The following MSRB2 variants were observed in gnomAD, a reference collection of about 807,000 sequenced individuals.
The protein encoded by MSRB2 is methionine-R-sulfoxide reductase B2, mitochondrial.
MSRB2 carries 17 observed loss-of-function variants against 19.0 expected under a neutral mutation model. The ratio of observed to expected loss-of-function variants is 0.89; its 90% CI spans 0.61 to 1.34. The LOEUF is 1.34. Among genes scored for constraint, MSRB2 ranks in the 40% most tolerant of loss-of-function variants. The probability of loss-of-function intolerance (pLI) is 0.00; values close to 1 mark genes in which losing one functional copy is unlikely to be tolerated. For synonymous variants in MSRB2, 107 were observed against 99.7 expected (o/e 1.07, Z -0.44); for missense variants, 208 against 237.6 (o/e 0.88, Z 0.82).
intron 2 of MSRB2, among the ~76,000 whole-genome samples, chr10:23,105,153 G>T (rs1839971711): frequency 6.6e-6 from 1 of 151,426 alleles, no homozygotes; most frequent in Non-Finnish European, 1.5e-5. Context: ...ACCCTCAGTG[G>T]TTCTTCATTA....
chr10:23,096,594 C>T (rs111806487), intron 1 of MSRB2, among the ~76,000 whole-genome samples: 2,007 of 152,190 alleles, frequency 0.013, 32 homozygotes, highest in Non-Finnish European at 0.021. Context: ...TCAGAGATAC[C>T]CAACTGATGA....
At chr10:23,116,230 T>C (rs1380645815) in intron 3 of MSRB2, among the ~76,000 whole-genome samples, 1 of 152,212 alleles carries the variant, frequency 6.6e-6, no homozygotes, top group Non-Finnish European at 1.5e-5. Context: ...ATACAATCTA[T>C]AAATTTAGAA....
At chr10:23,119,238 G>T in intron 3 of MSRB2, 66 bp from the exon 4 acceptor site, 1 of 1,578,762 alleles carries the variant, frequency 6.3e-7, no homozygotes. Context: ...CAACACATCG[G>T]GGCACCTCTT....
intron 1 of MSRB2, among the ~76,000 whole-genome samples, chr10:23,100,330 C>A (rs1839914079): frequency 6.6e-6 from 1 of 152,166 alleles, no homozygotes; most frequent in Admixed American, 6.5e-5. Flanking sequence ...GTGCCTCTGG[C>A]TAAAGCATTC....
At chr10:23,103,557 A>C (rs1409163395) in intron 1 of MSRB2, among the ~76,000 whole-genome samples, 1 of 152,168 alleles carries the variant, frequency 6.6e-6, no homozygotes, top group Non-Finnish European at 1.5e-5. Context: ...ATGGACAAAA[A>C]CCATGAAGCA....
chr10:23,104,288 A>G, intron 2 of MSRB2, 44 bp downstream of exon 2: 3 of 1,559,034 alleles, frequency 1.9e-6, no homozygotes, highest in Admixed American at 1.7e-5. Flanking sequence ...ATGTGTTGGC[A>G]GTGAGGGGCC....
Position 23,095,583 on chromosome 10 carries a change from G to A in MSRB2, c.-26G>A. The A allele has an allele frequency of 6.8e-7, 1 of 1,471,780 alleles. No individual in the cohort carries two copies. Among genetic ancestry groups the A allele is most frequent in the Non-Finnish European group, 9.0e-7 (1 of 1,114,754 alleles). 91.2% of individuals were successfully genotyped at this position (1,471,780 alleles called of 1,614,324 possible). A position where few individuals can be genotyped will look rare whatever the true frequency, so the allele number is the denominator to read the frequency against. ...GGGCAGAGACGGGCAGAGGGCAGAG[G>A]GCGGAGCGGCGCCGGAGCGGGCGTC... is the stretch of plus-strand genomic sequence containing the variant. On this transcript the variant is annotated 5_prime_UTR_variant, in exon 1 of 5. Coordinates refer to ENST00000376510, the MANE Select transcript of MSRB2 (RefSeq NM_012228.4).
At chr10:23,096,657 C>A (rs1004099454) in intron 1 of MSRB2, among the ~76,000 whole-genome samples, 1 of 152,122 alleles carries the variant, frequency 6.6e-6, no homozygotes, top group Non-Finnish European at 1.5e-5. Context: ...TTTCGAAATG[C>A]AATATTGAAA....
In MSRB2 at chr10:23,119,423, C is replaced by G. The variant is rs766417540; in HGVS notation, c.416C>G (p.Ser139Ter). Residue 139 changes from serine to a stop codon, truncating the protein, a stop_gained, in exon 4 of 5, where the codon TCA becomes TGA. Transcript: ENST00000376510. LOFTEE classifies it high-confidence loss of function. ...AGACGTCTGGATACCTCGTTAGGAT[C>G]AGCTCGCACAGAGGTTGTCTGCAAG... Reference protein sequence around the residue: ...ILRRLDTSLGSARTEVVCKQC... With the variant: ...ILRRLDTSLG 9.3e-6 allele frequency: 15 copies of G among 1,613,902 alleles called. 1 individual carries two copies. The Admixed American group carries it at 2.2e-4, about 23-fold the overall frequency.
chr10:23,104,016 C>T (rs533352051), intron 1 of MSRB2, 128 bp from the exon 2 acceptor site: 31 of 590,652 alleles, frequency 5.2e-5, no homozygotes, highest in Admixed American at 1.0e-4. Flanking sequence ...AGAATAAACT[C>T]GTGGGAGAGA....
Position 23,119,415 on chromosome 10 carries a change from G to A in MSRB2, c.408G>A (p.Ser136=), listed in dbSNP as rs758345122. The A allele has an allele frequency of 1.7e-5, 28 of 1,614,118 alleles. No homozygotes were observed. Among genetic ancestry groups the A allele is most frequent in the Middle Eastern group, 1.7e-4 (1 of 6,052 alleles). The change falls in exon 4 of 5, where the codon TCG becomes TCA. Residue 136 remains serine, a synonymous_variant. Coordinates refer to ENST00000376510, the MANE Select transcript of MSRB2 (RefSeq NM_012228.4). The stretch of plus-strand genomic sequence containing the variant: ...GGATCCTGAGACGTCTGGATACCTC[G>A]TTAGGATCAGCTCGCACAGAGGTTG... ...HTGILRRLDT[S]LGSARTEVVC...
intron 2 of MSRB2, among the ~76,000 whole-genome samples, chr10:23,108,731 C>A (rs576692266): frequency 2.0e-4 from 31 of 152,068 alleles, no homozygotes; most frequent in Non-Finnish European, 4.3e-4. Context: ...CTGTCTCGGC[C>A]CCCCAAAGTG....
At chr10:23,105,516 C>A (rs1839979340) in intron 2 of MSRB2, among the ~76,000 whole-genome samples, 2 of 152,266 alleles carry the variant, frequency 1.3e-5, no homozygotes, top group Non-Finnish European at 2.9e-5. Context: ...CCACTCTCTA[C>A]CTCCATGTGT....
chr10:23,099,450 A>T (rs1839902982), intron 1 of MSRB2, among the ~76,000 whole-genome samples: 1 of 152,232 alleles, frequency 6.6e-6, no homozygotes, highest in African/African-American at 2.4e-5. Context: ...GTCCACATTG[A>T]TAAGGATTAA....
Position 23,107,630 on chromosome 10 carries a change from G to A in MSRB2, c.220-2612G>A, listed in dbSNP as rs374213647. 3.7e-3 allele frequency among the ~76,000 whole-genome samples: 571 copies of A among 152,274 alleles called. 1 individual carries two copies. Among genetic ancestry groups the A allele is most frequent in the African/African-American group, 0.012 (502 of 41,550 alleles). On this transcript the variant is annotated intron_variant, in intron 2 of 4. Transcript: ENST00000376510. ...CGTAGTGAAGGGTACAGCGCTACCCGAACTCCATGCCATCTCTATCATAGC... is the reference window on the plus strand; with the variant it reads ...CGTAGTGAAGGGTACAGCGCTACCCAAACTCCATGCCATCTCTATCATAGC...
rs1465359579 is a variant in MSRB2 at position 23,120,741 on chromosome 10, G to C, written c.445-17G>C. On this transcript the variant is annotated splice_polypyrimidine_tract_variant and intron_variant, in intron 4 of 4. Transcript: ENST00000376510. ...TTGTTTGCATTTGGAGATGACAGAGGCTTCTGTCCTTTGCAGTGTGAAGCT... is the reference window on the plus strand; with the variant it reads ...TTGTTTGCATTTGGAGATGACAGAGCCTTCTGTCCTTTGCAGTGTGAAGCT... 2.5e-6 allele frequency: 4 copies of C among 1,595,350 alleles called. No individual in the cohort carries two copies. The highest frequency in any genetic ancestry group is 3.4e-6 in the Non-Finnish European group (4 of 1,167,330).
chr10:23,096,047 G>A (rs1444727950), intron 1 of MSRB2, among the ~76,000 whole-genome samples: 1 of 152,066 alleles, frequency 6.6e-6, no homozygotes, highest in Admixed American at 6.5e-5. Context: ...CCCTATCGGG[G>A]ACTCCAGGCG....
chr10:23,111,563 G>A (rs888149515), intron 3 of MSRB2, among the ~76,000 whole-genome samples: 1 of 152,116 alleles, frequency 6.6e-6, no homozygotes, highest in Non-Finnish European at 1.5e-5. Flanking sequence ...TTCTGCATCT[G>A]AAAAAGGGGG....
At chr10:23,104,302 T>C in intron 2 of MSRB2, 58 bp downstream of exon 2, 3 of 1,434,370 alleles carry the variant, frequency 2.1e-6, no homozygotes, top group Non-Finnish European at 2.9e-6. Context: ...AGGGGCCAGT[T>C]GGAATAGGTC....
Sources: allele counts gnomAD v4.1 joint callset (sites outside exome capture counted in the v4.1 genomes callset), GRCh38; gene constraint gnomAD v4.1.1; transcripts MANE v1.5; gene names NCBI Gene and HGNC (gene_info 2026-07-23, HGNC 2026-07-21).